FAT3: variants seen among roughly 807,000 people sequenced by gnomAD.
FAT3 encodes the protein protocadherin Fat 3.
A neutral mutation model predicts 310.2 loss-of-function variants in FAT3; 95 were observed. That is an observed-to-expected ratio of 0.31 (90% CI 0.26 to 0.36). The LOEUF (loss-of-function observed/expected upper bound fraction) is 0.36. FAT3 is among the 10% of genes least tolerant of loss of function. The pLI is 1.00. For synonymous variants in FAT3, 2,314 were observed against 2,192.9 expected (o/e 1.06, Z -1.54); for missense variants, 5,408 against 5,715.6 (o/e 0.95, Z 1.74).
Position 92,894,600 on chromosome 11 carries a change from A to G in FAT3, c.*3487A>G, listed in dbSNP as rs1216183030. 6.6e-6 allele frequency: 1 copy of G among 152,236 alleles called. No individual in the cohort carries two copies. The highest frequency in any genetic ancestry group is 2.4e-5 in the African/African-American group (1 of 41,468). The allele number at this position is 152,236 out of a possible 1,614,324, so 9.4% of individuals were successfully genotyped here. A position where few individuals can be genotyped will look rare whatever the true frequency, so the allele number is the denominator to read the frequency against. ...GACTCTTGGTGCTCGTCATATAGTA[A>G]GCAAGAACTTGGGAGTAATAAAAGG... On this transcript the variant is annotated 3_prime_UTR_variant, in exon 28 of 28. Transcript: ENST00000525166.
At chr11:92,701,379 G>A (rs1944091882) in intron 4 of FAT3, among the ~76,000 whole-genome samples, 1 of 152,192 alleles carries the variant, frequency 6.6e-6, no homozygotes, top group African/African-American at 2.4e-5. Context: ...GGGTTTTTCA[G>A]TCTGTAGAGC....
intron 2 of FAT3, among the ~76,000 whole-genome samples, chr11:92,491,668 GTGTTGAGTTTCTTT>G (rs1300247314): frequency 6.6e-6 from 1 of 152,072 alleles, no homozygotes; most frequent in Non-Finnish European, 1.5e-5. Flanking sequence ...TTAGAGCAAT[GTGTTGAGTTTCTTT>G]TCTCCAACAG....
At chr11:92,684,891 G>A (rs1943585573) in intron 3 of FAT3, among the ~76,000 whole-genome samples, 1 of 152,094 alleles carries the variant, frequency 6.6e-6, no homozygotes, top group African/African-American at 2.4e-5. Context: ...TTTTCTATAA[G>A]ACATGGATGA....
chr11:92,720,436 C>T lies in FAT3; in HGVS notation c.3669+22991C>T, dbSNP rs1022830122. 7.2e-5 allele frequency among the ~76,000 whole-genome samples: 11 copies of T among 152,272 alleles called. No individual in the cohort carries two copies. The South Asian group carries it at 1.9e-3, about 26-fold the overall frequency. ...TTTTCTCAGGGAATAGATGGATACA[C>T]ATAAAGAGAGCTACATAGTTCGTTT... On this transcript the variant is annotated intron_variant, in intron 4 of 27. Coordinates refer to ENST00000525166, the MANE Select transcript of FAT3 (RefSeq NM_001367949.2).
At chr11:92,832,117 G>T in intron 14 of FAT3, 106 bp downstream of exon 14, 1 of 1,284,268 alleles carries the variant, frequency 7.8e-7, no homozygotes, top group Non-Finnish European at 1.0e-6. Flanking sequence ...GATCGAGTGA[G>T]TCCAGGAGTT....
chr11:92,871,242 C>T (rs1284261230), intron 22 of FAT3, among the ~76,000 whole-genome samples: 2 of 152,058 alleles, frequency 1.3e-5, no homozygotes, highest in African/African-American at 4.8e-5. Flanking sequence ...AAAAAGAAAA[C>T]CAAAAAATAT....
intron 3 of FAT3, among the ~76,000 whole-genome samples, chr11:92,562,039 C>A (rs190086981): frequency 6.6e-6 from 1 of 152,238 alleles, no homozygotes; most frequent in East Asian, 1.9e-4. Context: ...TGCCTAGGGT[C>A]ATTGTTACTT....
At chr11:92,633,455 G>A (rs1324845220) in intron 3 of FAT3, among the ~76,000 whole-genome samples, 1 of 152,104 alleles carries the variant, frequency 6.6e-6, no homozygotes, top group Non-Finnish European at 1.5e-5. Flanking sequence ...ACGATGATGT[G>A]AACTTTACAA....
At chr11:92,281,749 C>G (rs2134365843) in intron 1 of FAT3, among the ~76,000 whole-genome samples, 1 of 152,268 alleles carries the variant, frequency 6.6e-6, no homozygotes, top group Non-Finnish European at 1.5e-5. Context: ...CACTGGTCCA[C>G]TGCATGAGAA....
At chr11:92,602,696 A>C (rs1392112152) in intron 3 of FAT3, among the ~76,000 whole-genome samples, 1 of 152,188 alleles carries the variant, frequency 6.6e-6, no homozygotes, top group Non-Finnish European at 1.5e-5. Flanking sequence ...GAAAGGACTT[A>C]CCCTTCTGCC....
At chr11:92,407,187 A>G (rs1203492825) in intron 2 of FAT3, among the ~76,000 whole-genome samples, 2 of 152,200 alleles carry the variant, frequency 1.3e-5, no homozygotes, top group African/African-American at 2.4e-5. Flanking sequence ...GGGGCAAACT[A>G]TGTTAACAAG....
At chr11:92,549,639 A>C (rs1003328787) in intron 3 of FAT3, among the ~76,000 whole-genome samples, 5 of 152,210 alleles carry the variant, frequency 3.3e-5, no homozygotes, top group African/African-American at 1.2e-4. Context: ...CTTAGCATTC[A>C]TTATTTAATG....
intron 3 of FAT3, among the ~76,000 whole-genome samples, chr11:92,592,191 G>A (rs1316760299): frequency 6.6e-6 from 1 of 151,742 alleles, no homozygotes; most frequent in African/African-American, 2.4e-5. Flanking sequence ...GATAGTATTA[G>A]GGGAATGAAA....
At chr11:92,725,810 C>G (rs1944982307) in intron 4 of FAT3, among the ~76,000 whole-genome samples, 1 of 152,112 alleles carries the variant, frequency 6.6e-6, no homozygotes, top group Admixed American at 6.6e-5. Context: ...ATAGAGACTC[C>G]TTTTCTATTG....
chr11:92,811,409 AGT>A (rs145172039), intron 13 of FAT3, among the ~76,000 whole-genome samples: 2,874 of 152,244 alleles, frequency 0.019, 102 homozygotes, highest in African/African-American at 0.065. Context: ...GAAGGAATTG[AGT>A]GTACCCAGGC....
chr11:92,814,979 A>G (rs1213420997), intron 13 of FAT3, among the ~76,000 whole-genome samples: 31 of 152,196 alleles, frequency 2.0e-4, no homozygotes, highest in Admixed American at 2.0e-3. Flanking sequence ...TGTGGACCCA[A>G]CTAAATAGTT....
intron 3 of FAT3, among the ~76,000 whole-genome samples, chr11:92,625,193 C>T (rs1941273010): frequency 6.6e-6 from 1 of 152,310 alleles, no homozygotes; most frequent in Non-Finnish European, 1.5e-5. Context: ...GCCCATGCCA[C>T]ATTTTTGTTA....
chr11:92,707,487 G>A (rs1316900043), intron 4 of FAT3, among the ~76,000 whole-genome samples: 1 of 152,166 alleles, frequency 6.6e-6, no homozygotes, highest in Non-Finnish European at 1.5e-5. Context: ...GGGGGTTGGT[G>A]GGAGGGAGCC....
At chr11:92,524,991 G>C in intron 3 of FAT3, 43 bp downstream of exon 3, 1 of 1,491,184 alleles carries the variant, frequency 6.7e-7, no homozygotes, top group Non-Finnish European at 9.2e-7. Context: ...TTGTAGTCCA[G>C]CCTTTAAATT....
Sources: allele counts gnomAD v4.1 joint callset (sites outside exome capture counted in the v4.1 genomes callset), GRCh38; gene constraint gnomAD v4.1.1; transcripts MANE v1.5; gene names NCBI Gene and HGNC (gene_info 2026-07-23, HGNC 2026-07-21).